MTM1: variants seen among roughly 807,000 people sequenced by gnomAD.
The protein encoded by MTM1 is myotubularin 1, also known as myotubularin.
In MTM1, 9 loss-of-function variants were observed where a neutral mutation model predicts 52.1. That is an observed-to-expected ratio of 0.17 (90% CI 0.10 to 0.30). The LOEUF is 0.30. Among genes scored for constraint, MTM1 ranks in the 10% least tolerant of loss-of-function variants. The pLI is 1.00. For synonymous variants in MTM1, 136 were observed against 163.8 expected (o/e 0.83, Z 1.29); for missense variants, 277 against 470.7 (o/e 0.59, Z 3.81).
At chrX:150,569,157 C>G (rs2038317977) in intron 1 of MTM1, among the ~76,000 whole-genome samples, 3 of 113,645 alleles carry the variant, frequency 2.6e-5, no homozygotes, top group Middle Eastern at 4.7e-3. Flanking sequence ...GCCGCGAAGC[C>G]TCGATGGCCG....
upstream of MTM1, among the ~76,000 whole-genome samples, chrX:150,567,515 G>T (rs1429626798): frequency 2.7e-5 from 3 of 111,223 alleles, no homozygotes; most frequent in Non-Finnish European, 5.7e-5. Flanking sequence ...GCAGTACAAA[G>T]AATATTATGC....
intron 6 of MTM1, among the ~76,000 whole-genome samples, chrX:150,633,044 C>T (rs1483175905): frequency 3.6e-5 from 4 of 111,720 alleles, no homozygotes; most frequent in Non-Finnish European, 5.6e-5. Flanking sequence ...GAGAGAACTA[C>T]AGTGAGAAGA....
upstream of MTM1, among the ~76,000 whole-genome samples, chrX:150,566,268 T>C (rs1239587142): frequency 1.8e-5 from 2 of 111,428 alleles, no homozygotes; most frequent in Non-Finnish European, 3.8e-5. Context: ...CCCGATTAGC[T>C]GGGATTACAG....
At chrX:150,654,811 C>T (rs1557414339) in intron 10 of MTM1, among the ~76,000 whole-genome samples, 2 of 111,555 alleles carry the variant, frequency 1.8e-5, no homozygotes, top group African/African-American at 3.3e-5. Flanking sequence ...AGCGAATTTC[C>T]ATTTCCTTGA....
intron 4 of MTM1, among the ~76,000 whole-genome samples, chrX:150,613,928 A>G (rs1200879350): frequency 8.9e-6 from 1 of 112,407 alleles, no homozygotes; most frequent in Admixed American, 9.4e-5. Context: ...AAATGCACGC[A>G]TGCCAGAGAC....
chrX:150,615,499 AAC>A (rs2039368330), intron 5 of MTM1, among the ~76,000 whole-genome samples: 1 of 98,417 alleles, frequency 1.0e-5, no homozygotes, highest in East Asian at 3.0e-4. Flanking sequence ...AAAAAAAAAA[AAC>A]AGTCTTAATT....
chrX:150,607,888 T>C (rs782640418), intron 4 of MTM1, among the ~76,000 whole-genome samples: 1 of 111,690 alleles, frequency 9.0e-6, no homozygotes, highest in South Asian at 3.7e-4. Context: ...CACGCCAATA[T>C]ATAATAACAA....
chrX:150,642,610 A>G (rs1557413877), intron 8 of MTM1, among the ~76,000 whole-genome samples: 1 of 111,674 alleles, frequency 9.0e-6, no homozygotes, highest in Admixed American at 9.5e-5. Flanking sequence ...CTGTTTGGAC[A>G]TGCTCTTCTG....
rs1246082953 is a variant in MTM1, at chrX:150,583,601, A to C, written c.-10-9004A>C. 1.2e-4 allele frequency among the ~76,000 whole-genome samples: 4 copies of C among 32,918 alleles called. 1 individual carries two copies. The highest frequency in any genetic ancestry group is 6.0e-4 in the African/African-American group (4 of 6,619). The allele number at this position is 32,918 out of a possible 115,157, so 28.6% of individuals were successfully genotyped here. A position where few individuals can be genotyped will look rare whatever the true frequency, so the allele number is the denominator to read the frequency against. On this transcript the variant is annotated intron_variant, in intron 1 of 14. Transcript: ENST00000370396. ...ATATAATATATATAATTTATATATA[A>C]TATATAATTTATATATATTATATAT...
chrX:150,638,910 C>A (rs143521383), intron 6 of MTM1, 33 bp from the exon 7 acceptor site: 1 of 1,030,272 alleles, frequency 9.7e-7, no homozygotes. Flanking sequence ...TGTTCCTTCA[C>A]GCTGAACTTT....
At chrX:150,582,526 A>G (rs1461037046) in intron 1 of MTM1, among the ~76,000 whole-genome samples, 4 of 111,294 alleles carry the variant, frequency 3.6e-5, no homozygotes, top group Non-Finnish European at 7.5e-5. Context: ...CTGCAGTTGT[A>G]GTTAGTTAAG....
chrX:150,638,917 C>T, intron 6 of MTM1, 26 bp from the exon 7 acceptor site: 1 of 1,086,756 alleles, frequency 9.2e-7, no homozygotes, highest in Non-Finnish European at 1.3e-6. Flanking sequence ...TCACGCTGAA[C>T]TTTATTTATT....
chrX:150,581,535 G>T (rs1557411888), intron 1 of MTM1, among the ~76,000 whole-genome samples: 1 of 111,593 alleles, frequency 9.0e-6, no homozygotes, highest in African/African-American at 3.3e-5. Flanking sequence ...GGATTTCAGG[G>T]GAAAAAGCCT....
At chrX:150,566,357 C>T (rs1557411231), upstream of MTM1, among the ~76,000 whole-genome samples, 2 of 111,304 alleles carry the variant, frequency 1.8e-5, no homozygotes, top group African/African-American at 6.5e-5. Flanking sequence ...AGGTTGGTTT[C>T]GAACTCCTGA....
intron 4 of MTM1, among the ~76,000 whole-genome samples, chrX:150,607,269 C>T (rs961570917): frequency 2.1e-4 from 23 of 110,732 alleles, no homozygotes; most frequent in South Asian, 3.8e-4. Flanking sequence ...ATTACAGGCG[C>T]GAGCCACTGC....
intron 14 of MTM1, among the ~76,000 whole-genome samples, chrX:150,665,558 T>C (rs1476682103): frequency 1.8e-5 from 2 of 112,809 alleles, no homozygotes; most frequent in African/African-American, 6.4e-5. Context: ...TAAATTGTTA[T>C]TCAGTTGTGT....
At chrX:150,668,843 C>A (rs2040347285) in intron 14 of MTM1, among the ~76,000 whole-genome samples, 1 of 111,976 alleles carries the variant, frequency 8.9e-6, no homozygotes, top group African/African-American at 3.2e-5. Flanking sequence ...CAGGATGGTT[C>A]TGGAAACCAC....
chrX:150,606,136 C>A (rs1205297461), intron 4 of MTM1, among the ~76,000 whole-genome samples: 1 of 110,716 alleles, frequency 9.0e-6, no homozygotes, highest in Non-Finnish European at 1.9e-5. Context: ...AATAAAACAC[C>A]CTAGTCTGTC....
At chrX:150,593,790 A>C (rs1444418686) in intron 2 of MTM1, among the ~76,000 whole-genome samples, 1 of 110,888 alleles carries the variant, frequency 9.0e-6, no homozygotes, top group Non-Finnish European at 1.9e-5. Context: ...ACATAGTGAA[A>C]CCCTGTCTCT....
Sources: allele counts gnomAD v4.1 joint callset (sites outside exome capture counted in the v4.1 genomes callset), GRCh38; gene constraint gnomAD v4.1.1; transcripts MANE v1.5; gene names NCBI Gene and HGNC (gene_info 2026-07-23, HGNC 2026-07-21).